TNRC6A: variants seen among roughly 807,000 people sequenced by gnomAD.
TNRC6A encodes trinucleotide repeat containing adaptor 6A, also known as trinucleotide repeat-containing gene 6A protein.
TNRC6A carries 44 observed loss-of-function variants against 221.2 expected under a neutral mutation model. The ratio of observed to expected loss-of-function variants is 0.20; its 90% CI spans 0.16 to 0.26. The LOEUF is 0.26. TNRC6A is among the 10% of genes least tolerant of loss of function. The probability of loss-of-function intolerance (pLI) is 1.00; values close to 1 mark genes in which losing one functional copy is unlikely to be tolerated. For synonymous variants in TNRC6A, 847 were observed against 838.5 expected (o/e 1.01, Z -0.18); for missense variants, 2,199 against 2,404.4 (o/e 0.91, Z 1.79).
At chr16:24,742,141 G>A (rs1030963782) in intron 2 of TNRC6A, among the ~76,000 whole-genome samples, 13 of 152,156 alleles carry the variant, frequency 8.5e-5, no homozygotes, top group African/African-American at 3.1e-4. Flanking sequence ...TAGTCCCACT[G>A]TACACTTTTT....
At position 24,812,019 on chromosome 16, in the gene TNRC6A, A is replaced by ATTTTTTTTTTTTTTT. The variant is rs71156440; in HGVS notation, c.4672+2571_4672+2585dup. Among the ~76,000 whole-genome samples, 19 of 40,852 alleles carry ATTTTTTTTTTTTTTT rather than the reference A, an allele frequency of 4.7e-4. 4 individuals carry two copies. Among genetic ancestry groups the ATTTTTTTTTTTTTTT allele is most frequent in the Non-Finnish European group, 4.6e-4 (11 of 23,658 alleles). 26.8% of individuals were successfully genotyped at this position (40,852 alleles called of 152,430 possible). A position where few individuals can be genotyped will look rare whatever the true frequency, so the allele number is the denominator to read the frequency against. On this transcript the variant is annotated intron_variant, in intron 18 of 24. Transcript: ENST00000395799. ...CCGTTCAGGGGAATGTCACTTTGGG[A>ATTTTTTTTTTTTTTT]TTTTTTTTTTTTTTTTTTTTTTTTT...
chr16:24,636,998 T>C (rs552566078), intron 1 of TNRC6A, among the ~76,000 whole-genome samples: 5 of 152,258 alleles, frequency 3.3e-5, no homozygotes, highest in African/African-American at 1.2e-4. Flanking sequence ...CCTCTCCTGC[T>C]AAATGACACT....
intron 4 of TNRC6A, among the ~76,000 whole-genome samples, chr16:24,774,723 G>A (rs968471729): frequency 2.0e-5 from 3 of 152,158 alleles, no homozygotes; most frequent in African/African-American, 7.2e-5. Context: ...GCATTTTTAT[G>A]TTCCTCATAA....
At chr16:24,713,455 AAT>A (rs60244906) in intron 2 of TNRC6A, among the ~76,000 whole-genome samples, 21,542 of 91,716 alleles carry the variant, frequency 0.23, 2,580 homozygotes, top group East Asian at 0.48. Context: ...CAAACAAAAA[AAT>A]ATATATATAT....
At chr16:24,822,563 C>T (rs2058787333) in intron 23 of TNRC6A, among the ~76,000 whole-genome samples, 1 of 152,180 alleles carries the variant, frequency 6.6e-6, no homozygotes. Context: ...TCCCACCTCC[C>T]TCCTCCCTCA....
Position 24,808,847 on chromosome 16 carries a change from A to G in TNRC6A, c.4541-503A>G, listed in dbSNP as rs183979250. Among the ~76,000 whole-genome samples the G allele has an allele frequency of 3.9e-4, 59 of 152,326 alleles. 1 individual carries two copies. In the East Asian group the frequency reaches 0.011, roughly 27 times the overall value. On this transcript the variant is annotated intron_variant, in intron 17 of 24. Coordinates refer to ENST00000395799, the MANE Select transcript of TNRC6A (RefSeq NM_014494.4). ...CTAGATTACTCTTTTAAGAAAAACTAGCTTAATAGTTTTCTGACCACTGTA... is the reference window on the plus strand; with the variant it reads ...CTAGATTACTCTTTTAAGAAAAACTGGCTTAATAGTTTTCTGACCACTGTA...
chr16:24,649,061 G>A (rs987998897), intron 2 of TNRC6A, among the ~76,000 whole-genome samples: 8 of 151,846 alleles, frequency 5.3e-5, no homozygotes, highest in African/African-American at 1.7e-4. Flanking sequence ...CGGGAGGATC[G>A]CTTGAGCCCA....
At chr16:24,809,211 G>GTA in intron 17 of TNRC6A, 139 bp from the exon 18 acceptor site, 1 of 744,854 alleles carries the variant, frequency 1.3e-6, no homozygotes, top group Non-Finnish European at 1.8e-6. Context: ...TATTTTCTAC[G>GTA]TATAACTAAA....
chr16:24,821,845 T>C, intron 22 of TNRC6A: 1 of 554,418 alleles, frequency 1.8e-6, no homozygotes, highest in South Asian at 2.5e-5. Flanking sequence ...TCCTCTGTGG[T>C]GAACTGGGAG....
At chr16:24,778,400 C>G (rs865868721) in intron 5 of TNRC6A, 2 of 985,308 alleles carry the variant, frequency 2.0e-6, no homozygotes, top group African/African-American at 3.5e-5. Context: ...CAAAGATATG[C>G]TTGTAACCAC....
Position 24,729,758 on chromosome 16 carries a change from G to C in TNRC6A, c.-84G>C. The stretch of plus-strand genomic sequence containing the variant: ...GAAAATGGCGCTGGTGCAGCGGCTC[G>C]GGCCTCTCCCCGCGGCGCTGCGGAG... On this transcript the variant is annotated 5_prime_UTR_variant, in exon 1 of 25. Transcript: ENST00000395799. The C allele has an allele frequency of 2.2e-6, 3 of 1,346,430 alleles. No homozygotes were observed. Among genetic ancestry groups the C allele is most frequent in the Non-Finnish European group, 1.9e-6 (2 of 1,045,716 alleles). 83.4% of individuals were successfully genotyped at this position (1,346,430 alleles called of 1,614,324 possible).
rs762167785 is a variant in TNRC6A at position 24,793,488 on chromosome 16, G to C, written c.3191G>C (p.Trp1064Ser). The C allele has an allele frequency of 2.0e-6, 3 of 1,496,990 alleles. No individual in the cohort carries two copies. The highest frequency in any genetic ancestry group is 5.0e-5 in the East Asian group (2 of 39,910). 92.7% of individuals were successfully genotyped at this position (1,496,990 alleles called of 1,614,324 possible). A position where few individuals can be genotyped will look rare whatever the true frequency, so the allele number is the denominator to read the frequency against. Residue 1064 changes from tryptophan (W) to serine (S), a missense_variant, in exon 7 of 25, where the codon TGG (tryptophan) becomes TCG (serine). Physicochemically the swap from Trp to Ser is radical, Grantham distance 177. This residue lies in a region of TNRC6A where 1,405 missense variants were observed against 1,400.2 expected (regional missense o/e 1.00). Coordinates refer to ENST00000395799, the MANE Select transcript of TNRC6A (RefSeq NM_014494.4). Reference sequence around the variant, plus strand: ...CTTTCTAAAGGCTGGGGTGAGCCCTGGGGGGAGCCTTCTACTCCAGCCACA... The same window carrying C: ...CTTTCTAAAGGCTGGGGTGAGCCCTCGGGGGAGCCTTCTACTCCAGCCACA... ...ASSGSGWGEP[W>S]GEPSTPATTV...
intron 1 of TNRC6A, among the ~76,000 whole-genome samples, chr16:24,629,547 C>T (rs1901223182): frequency 6.6e-6 from 1 of 152,138 alleles, no homozygotes; most frequent in Admixed American, 6.6e-5. Context: ...AAATTTGTGT[C>T]CATAAATCTC....
intron 2 of TNRC6A, among the ~76,000 whole-genome samples, chr16:24,651,784 T>C (rs1475188469): frequency 6.6e-6 from 1 of 151,232 alleles, no homozygotes; most frequent in Non-Finnish European, 1.5e-5. Context: ...TAAGACATAT[T>C]ACTAGGTGGG....
intron 1 of TNRC6A, among the ~76,000 whole-genome samples, chr16:24,618,918 C>G (rs546129788): frequency 1.3e-5 from 2 of 152,072 alleles, no homozygotes; most frequent in Middle Eastern, 3.2e-3. Context: ...GTGTGAGCTA[C>G]GGTTCCTGGC....
At chr16:24,818,426 T>A (rs2058697710) in intron 20 of TNRC6A, among the ~76,000 whole-genome samples, 167 bp from the exon 21 acceptor site, 1 of 152,148 alleles carries the variant, frequency 6.6e-6, no homozygotes, top group South Asian at 2.1e-4. Context: ...CTCAGCATGC[T>A]CTTTTGAAGG....
At chr16:24,726,440 T>A (rs1462832206), upstream of TNRC6A, among the ~76,000 whole-genome samples, 9 of 151,428 alleles carry the variant, frequency 5.9e-5, no homozygotes. Flanking sequence ...GCAAAGAGAT[T>A]CTCTTAAGAA....
At position 24,677,172 on chromosome 16, in the gene TNRC6A, T is replaced by C. The variant is rs140881625; in HGVS notation, n.402+36163T>C. ...CCGTTTCCTTTTTTTTTCTTTTTTTTTTTTTTCCCTGACAGAGTCTCGCTC... is the reference window on the plus strand; with the variant it reads ...CCGTTTCCTTTTTTTTTCTTTTTTTCTTTTTTCCCTGACAGAGTCTCGCTC... On this transcript the variant is annotated intron_variant and non_coding_transcript_variant, in intron 2 of 2. Transcript: ENST00000566108. 2.4e-3 allele frequency among the ~76,000 whole-genome samples: 362 copies of C among 150,722 alleles called. 1 individual carries two copies. The highest frequency in any genetic ancestry group is 8.6e-3 in the African/African-American group (353 of 41,106).
chr16:24,663,154 C>T (rs2055071216), intron 2 of TNRC6A: 1 of 153,676 alleles, frequency 6.5e-6, no homozygotes, highest in Non-Finnish European at 1.5e-5. Context: ...GGGGAGTCCC[C>T]AAGACACGCT....
Sources: allele counts gnomAD v4.1 joint callset (sites outside exome capture counted in the v4.1 genomes callset), GRCh38; gene constraint gnomAD v4.1.1; regional missense constraint gnomAD v4.1.1; transcripts MANE v1.5; gene names NCBI Gene and HGNC (gene_info 2026-07-23, HGNC 2026-07-21).